The following MACF1 variants were observed in gnomAD, a reference collection of about 807,000 sequenced individuals.
MACF1 encodes the protein microtubule-actin cross-linking factor 1.
In MACF1, 193 loss-of-function variants were observed where a neutral mutation model predicts 854.8. The ratio of observed to expected loss-of-function variants is 0.23; its 90% CI spans 0.20 to 0.25. The LOEUF is 0.25. Ranked by LOEUF, MACF1 falls within the 10% of genes least tolerant of loss-of-function variation. MACF1 has a pLI of 1.00. For missense variants in MACF1, 7,722 were observed against 8,929.1 expected, an observed-to-expected ratio of 0.86 and a Z score of 5.45; for synonymous variants, 3,185 against 3,226.7, an observed-to-expected ratio of 0.99 and a Z score of 0.44.
At chr1:39,263,278 G>C (rs1379747420) in intron 6 of MACF1, among the ~76,000 whole-genome samples, 1 of 152,140 alleles carries the variant, frequency 6.6e-6, no homozygotes, top group Non-Finnish European at 1.5e-5. Flanking sequence ...GGAGAGGCTG[G>C]ATCCAGATTA....
chr1:39,477,073 A>G (rs1338340934), intron 97 of MACF1, among the ~76,000 whole-genome samples: 1 of 37,866 alleles, frequency 2.6e-5, no homozygotes, highest in African/African-American at 1.7e-4. Context: ...ATATATATAT[A>G]TATATATATA....
intron 6 of MACF1, 151 bp from the exon 7 acceptor site, chr1:39,282,057 G>C: frequency 1.7e-6 from 1 of 575,822 alleles, no homozygotes. Context: ...TATTTGACTA[G>C]CAAGAGGGGG....
At position 39,265,982 on chromosome 1, in the gene MACF1, TACTTA is replaced by T. The variant is rs1360181431; in HGVS notation, c.528+7960_528+7964del. 5.3e-5 allele frequency among the ~76,000 whole-genome samples: 8 copies of T among 152,210 alleles called. No individual in the cohort carries two copies. The East Asian group carries it at 1.5e-3, about 29-fold the overall frequency. ...GAACCATCTAATAAACTAGTTAGGT[TACTTA>T]ACTTATGAGCTGGGAAGTTGAACCT... On this transcript the variant is annotated intron_variant, in intron 6 of 100. Coordinates refer to ENST00000564288, the MANE Select transcript of MACF1 (RefSeq NM_001394062.1).
intron 2 of MACF1, among the ~76,000 whole-genome samples, chr1:39,086,119 G>A (rs1314577178): frequency 3.9e-5 from 6 of 152,170 alleles, no homozygotes; most frequent in African/African-American, 1.4e-4. Context: ...TATGTTTTGA[G>A]CCCCCGAGGG....
intron 15 of MACF1, among the ~76,000 whole-genome samples, chr1:39,288,857 C>T (rs1452082306): frequency 6.6e-6 from 1 of 152,202 alleles, no homozygotes; most frequent in Non-Finnish European, 1.5e-5. Flanking sequence ...TCCTGTTGTT[C>T]TATCAGATGC....
intron 58 of MACF1, chr1:39,412,281 A>G: frequency 6.2e-7 from 1 of 1,614,024 alleles, no homozygotes; most frequent in Non-Finnish European, 8.5e-7. Flanking sequence ...TAGAGGTGTT[A>G]TATGAATCAA....
intron 4 of MACF1, among the ~76,000 whole-genome samples, chr1:39,252,435 G>C (rs890460882): frequency 1.3e-5 from 2 of 152,068 alleles, no homozygotes; most frequent in African/African-American, 4.8e-5. Context: ...GAGATACTCT[G>C]GCTTTGCTCA....
intron 1 of MACF1, among the ~76,000 whole-genome samples, chr1:39,229,713 A>G (rs1644757416): frequency 6.6e-6 from 1 of 152,120 alleles, no homozygotes. Flanking sequence ...CATGTTGTCT[A>G]GCATGGACTG....
chr1:39,237,718 CTT>C (rs113548845), intron 2 of MACF1, among the ~76,000 whole-genome samples: 7 of 140,890 alleles, frequency 5.0e-5, no homozygotes, highest in Admixed American at 7.2e-5. Flanking sequence ...CCAGCTGATT[CTT>C]TTTTTTTTTT....
intron 2 of MACF1, among the ~76,000 whole-genome samples, chr1:39,141,275 C>G (rs1346956135): frequency 6.6e-6 from 1 of 152,194 alleles, no homozygotes; most frequent in African/African-American, 2.4e-5. Context: ...GAATCACCTG[C>G]AGGGCATGTT....
At chr1:39,459,374 C>T in intron 91 of MACF1, 125 bp downstream of exon 91, 4 of 1,017,082 alleles carry the variant, frequency 3.9e-6, no homozygotes, top group Non-Finnish European at 5.6e-6. Context: ...AGAAACAGAC[C>T]TATACCAAGC....
chr1:39,337,660 G>A (rs1174567487), intron 38 of MACF1, among the ~76,000 whole-genome samples: 5 of 142,466 alleles, frequency 3.5e-5, no homozygotes, highest in Non-Finnish European at 4.5e-5. Context: ...TCCGCCTCCC[G>A]GGTTCAAGCA....
At chr1:39,273,478 G>A (rs1420829155) in intron 6 of MACF1, among the ~76,000 whole-genome samples, 1 of 152,172 alleles carries the variant, frequency 6.6e-6, no homozygotes, top group Non-Finnish European at 1.5e-5. Context: ...TAATTATAGG[G>A]AGAGTTGTTT....
In MACF1 at chr1:39,144,301, G is replaced by A. The variant is rs1441969163; in HGVS notation, c.220+59863G>A. 5.3e-5 allele frequency among the ~76,000 whole-genome samples: 8 copies of A among 151,410 alleles called. No homozygotes were observed. The East Asian group carries it at 7.8e-4, about 15-fold the overall frequency. On this transcript the variant is annotated intron_variant, in intron 2 of 93. Coordinates refer to the MACF1 transcript ENST00000361689. ...TCACCATGTTGGCCAGGCTGGTCCC[G>A]AACTCCTGACCTCAGGTGATCCACC...
rs373354744 is a variant in MACF1, at chr1:39,214,571, T to C, written c.109+9440T>C. ...GAATGGAGCAACAAGCAAACGGTATTTTTGAAGCTGATAAAATTTGCTGTG... is the reference window on the plus strand; with the variant it reads ...GAATGGAGCAACAAGCAAACGGTATCTTTGAAGCTGATAAAATTTGCTGTG... On this transcript the variant is annotated intron_variant, in intron 1 of 100. Coordinates refer to ENST00000564288, the MANE Select transcript of MACF1 (RefSeq NM_001394062.1). Among the ~76,000 whole-genome samples the C allele has an allele frequency of 2.6e-5, 4 of 152,276 alleles. No individual in the cohort carries two copies. In the South Asian group the frequency reaches 8.3e-4, roughly 32 times the overall value.
chr1:39,482,176 G>A (rs1160949455), intron 99 of MACF1, among the ~76,000 whole-genome samples: 3 of 152,104 alleles, frequency 2.0e-5, no homozygotes, highest in African/African-American at 7.2e-5. Context: ...ACTTATTGGT[G>A]TTCTGTAGCC....
At chr1:39,280,118 G>A (rs1392032498) in intron 6 of MACF1, among the ~76,000 whole-genome samples, 1 of 151,750 alleles carries the variant, frequency 6.6e-6, no homozygotes, top group Non-Finnish European at 1.5e-5. Flanking sequence ...GAGTGGTCTC[G>A]AACTCCTGAC....
intron 1 of MACF1, among the ~76,000 whole-genome samples, chr1:39,229,136 C>T (rs945532228): frequency 6.6e-6 from 1 of 152,122 alleles, no homozygotes; most frequent in African/African-American, 2.4e-5. Context: ...TTGGAGAGAC[C>T]TTTCAATGTG....
At chr1:39,235,721 TC>T (rs1308661791) in intron 2 of MACF1, among the ~76,000 whole-genome samples, 2 of 152,204 alleles carry the variant, frequency 1.3e-5, no homozygotes, top group Admixed American at 6.5e-5. Context: ...CTTGAAGACT[TC>T]CTGTAAATCA....
Sources: allele counts gnomAD v4.1 joint callset (sites outside exome capture counted in the v4.1 genomes callset), GRCh38; gene constraint gnomAD v4.1.1; transcripts MANE v1.5; gene names NCBI Gene and HGNC (gene_info 2026-07-23, HGNC 2026-07-21).